The following MAPK10 variants were observed in gnomAD, a reference collection of about 807,000 sequenced individuals.
MAPK10 encodes JNK3 alpha protein kinase.
A neutral mutation model predicts 59.3 loss-of-function variants in MAPK10; 25 were observed. That is an observed-to-expected ratio of 0.42 (90% CI 0.31 to 0.59). The LOEUF is 0.59. Among genes scored for constraint, MAPK10 ranks in the 20% least tolerant of loss-of-function variants. MAPK10 has a pLI of 0.15. For missense variants in MAPK10, 351 were observed against 568.9 expected (o/e 0.62, Z 3.90); for synonymous variants, 190 against 200.5 (o/e 0.95, Z 0.44).
chr4:86,485,908 A>C (rs1753950253), intron 1 of MAPK10, among the ~76,000 whole-genome samples: 1 of 152,212 alleles, frequency 6.6e-6, no homozygotes, highest in African/African-American at 2.4e-5. Flanking sequence ...CCTAACCAGA[A>C]ACCAACCCTC....
At chr4:86,589,081 T>A (rs1762836956) in intron 1 of MAPK10, among the ~76,000 whole-genome samples, 1 of 150,680 alleles carries the variant, frequency 6.6e-6, no homozygotes, top group Non-Finnish European at 1.5e-5. Context: ...TCCATATGGA[T>A]GAAAGAATAA....
intron 4 of MAPK10, among the ~76,000 whole-genome samples, chr4:86,114,101 T>C (rs1165896991): frequency 1.3e-5 from 2 of 152,216 alleles, no homozygotes; most frequent in African/African-American, 2.4e-5. Flanking sequence ...GTTATTCTAG[T>C]TAACAGCTCC....
chr4:86,108,994 T>C (rs1245800280), intron 4 of MAPK10, among the ~76,000 whole-genome samples: 1 of 152,160 alleles, frequency 6.6e-6, no homozygotes, highest in Non-Finnish European at 1.5e-5. Context: ...CAGTTTCCTC[T>C]GAATAAACTC....
chr4:86,285,413 C>T (rs536348646), intron 2 of MAPK10, among the ~76,000 whole-genome samples: 2 of 152,170 alleles, frequency 1.3e-5, no homozygotes, highest in African/African-American at 2.4e-5. Context: ...GACGGGGTTT[C>T]ACCATGTTGG....
chr4:86,134,501 A>T (rs1340191558), intron 4 of MAPK10, among the ~76,000 whole-genome samples: 6 of 152,218 alleles, frequency 3.9e-5, no homozygotes, highest in African/African-American at 1.4e-4. Context: ...ATATTGCCAC[A>T]CACCACACAT....
At chr4:86,577,667 G>C (rs763502411) in intron 1 of MAPK10, among the ~76,000 whole-genome samples, 2 of 152,140 alleles carry the variant, frequency 1.3e-5, no homozygotes, top group African/African-American at 2.4e-5. Flanking sequence ...ATTTACTCCA[G>C]AAGGAAAATA....
At chr4:86,161,631 C>T (rs1395217691) in intron 3 of MAPK10, among the ~76,000 whole-genome samples, 1 of 152,004 alleles carries the variant, frequency 6.6e-6, no homozygotes, top group Non-Finnish European at 1.5e-5. Flanking sequence ...CATGTTCTGA[C>T]CCTTCTTTAT....
intron 1 of MAPK10, among the ~76,000 whole-genome samples, chr4:86,510,670 A>G (rs141894640): frequency 0.013 from 1,950 of 152,276 alleles, 11 homozygotes; most frequent in African/African-American, 0.015. Flanking sequence ...AATGTCATGT[A>G]TATAGATATA....
intron 13 of MAPK10, chr4:86,020,252 T>C (rs1656462852): frequency 6.6e-6 from 1 of 152,264 alleles, no homozygotes; most frequent in Admixed American, 6.5e-5. Context: ...GTGGCATGTA[T>C]CTGTATTTCA....
intron 2 of MAPK10, among the ~76,000 whole-genome samples, chr4:86,286,089 T>C (rs1262863023): frequency 1.3e-5 from 2 of 152,236 alleles, no homozygotes; most frequent in Non-Finnish European, 2.9e-5. Flanking sequence ...AGCATTTTAC[T>C]AGCTATCTGG....
In MAPK10 at chr4:86,374,737, G is replaced by A. The variant is rs142666306; in HGVS notation, c.-121-20093C>T. The stretch of plus-strand genomic sequence containing the variant: ...TGAGCACAGGCTCTTTAGGCCAACC[G>A]TGAATTTAAGAGACAAATTCTGAGT... On this transcript the variant is annotated intron_variant, in intron 1 of 13. Transcript: ENST00000361569. 2.0e-3 allele frequency among the ~76,000 whole-genome samples: 303 copies of A among 152,266 alleles called. 2 individuals are homozygous for A. The highest frequency in any genetic ancestry group is 7.0e-3 in the African/African-American group (290 of 41,562).
rs572698735 is a variant in MAPK10, at chr4:86,042,492, T to A, written c.1111-11061A>T. On this transcript the variant is annotated intron_variant, in intron 11 of 13. Coordinates refer to ENST00000641462, the MANE Select transcript of MAPK10 (RefSeq NM_138982.4). The stretch of plus-strand genomic sequence containing the variant: ...TATCCCAGAACTTAAAGTAAAATTT[T>A]AAAAAAAAGTGTTAAGGGATACACA... Among the ~76,000 whole-genome samples the A allele has an allele frequency of 1.7e-3, 261 of 151,740 alleles. 1 individual carries two copies. The highest frequency in any genetic ancestry group is 1.8e-3 in the Non-Finnish European group (122 of 67,894).
At chr4:86,201,228 CA>C (rs2149331283) in intron 2 of MAPK10, among the ~76,000 whole-genome samples, 1 of 151,988 alleles carries the variant, frequency 6.6e-6, no homozygotes, top group African/African-American at 2.4e-5. Context: ...GTATGTACCA[CA>C]GTTTATTTAT....
chr4:86,165,208 T>C (rs1289658340), intron 3 of MAPK10, among the ~76,000 whole-genome samples: 1 of 152,148 alleles, frequency 6.6e-6, no homozygotes, highest in African/African-American at 2.4e-5. Context: ...CAGAAGATAT[T>C]GAGCTATCTA....
At chr4:86,183,651 AC>A in intron 3 of MAPK10, among the ~76,000 whole-genome samples, 1 of 152,126 alleles carries the variant, frequency 6.6e-6, no homozygotes, top group Non-Finnish European at 1.5e-5. Flanking sequence ...TTGGGTATAT[AC>A]CCAGTAATGG....
intron 2 of MAPK10, among the ~76,000 whole-genome samples, chr4:86,211,955 C>CA (rs1325447320): frequency 6.6e-6 from 1 of 151,004 alleles, no homozygotes; most frequent in East Asian, 1.9e-4. Context: ...AGAATCTATA[C>CA]AAAAGAAAAT....
chr4:86,465,528 C>A (rs1022396683), intron 1 of MAPK10, among the ~76,000 whole-genome samples: 3 of 152,116 alleles, frequency 2.0e-5, no homozygotes, highest in Admixed American at 2.0e-4. Flanking sequence ...TTTGAGCCTG[C>A]CGAAAGGCAA....
chr4:86,507,615 G>GAGAGATATAT (rs1219957209), intron 1 of MAPK10, among the ~76,000 whole-genome samples: 1 of 35,654 alleles, frequency 2.8e-5, no homozygotes, highest in Non-Finnish European at 5.1e-5. Flanking sequence ...ATAAACTGGA[G>GAGAGATATAT]ATATATATAT....
intron 2 of MAPK10, among the ~76,000 whole-genome samples, chr4:86,221,568 G>T (rs1488595842): frequency 6.6e-6 from 1 of 151,972 alleles, no homozygotes. Context: ...GTCACTGCAG[G>T]CTCGACCTCC....
Sources: gnomAD v4.1 joint callset for allele counts (sites outside exome capture counted in the v4.1 genomes callset) on GRCh38, gnomAD v4.1.1 for gene constraint, MANE v1.5 for transcripts, NCBI Gene and HGNC (gene_info 2026-07-23, HGNC 2026-07-21) for gene names.